Variants in TNR observed in about 807,000 individuals in gnomAD.
TNR encodes the protein tenascin R.
In TNR, 45 loss-of-function variants were observed where a neutral mutation model predicts 150.4. The ratio of observed to expected loss-of-function variants is 0.30; its 90% CI spans 0.24 to 0.38. TNR has a LOEUF of 0.38. Among genes scored for constraint, TNR ranks in the 10% least tolerant of loss-of-function variants. The pLI, the probability that TNR is intolerant of heterozygous loss-of-function variation, is 1.00. For synonymous variants in TNR, 687 were observed against 678.4 expected (o/e 1.01, Z -0.20); for missense variants, 1,544 against 1,759.1 (o/e 0.88, Z 2.19).
chr1:175,529,202 C>T (rs760024842), intron 1 of TNR, among the ~76,000 whole-genome samples: 2 of 152,208 alleles, frequency 1.3e-5, no homozygotes, highest in Non-Finnish European at 2.9e-5. Flanking sequence ...GCTAAGCCTT[C>T]TCCAAATGGG....
intron 2 of TNR, among the ~76,000 whole-genome samples, chr1:175,449,808 G>C (rs868135733): frequency 2.2e-4 from 34 of 152,242 alleles, no homozygotes; most frequent in African/African-American, 7.5e-4. Context: ...AGATGGCCAG[G>C]AAAATCCTGC....
At chr1:175,620,988 T>C (rs1376585486) in intron 1 of TNR, among the ~76,000 whole-genome samples, 2 of 152,192 alleles carry the variant, frequency 1.3e-5, no homozygotes, top group African/African-American at 4.8e-5. Context: ...AATGCCTCCA[T>C]TGCCATGTCC....
At chr1:175,524,921 C>A (rs1659792205) in intron 2 of TNR, among the ~76,000 whole-genome samples, 1 of 152,208 alleles carries the variant, frequency 6.6e-6, no homozygotes, top group African/African-American at 2.4e-5. Context: ...AGGCCAAGGC[C>A]TGGAGGCTCT....
chr1:175,626,339 C>T (rs1664157694), intron 1 of TNR, among the ~76,000 whole-genome samples: 1 of 152,162 alleles, frequency 6.6e-6, no homozygotes, highest in Non-Finnish European at 1.5e-5. Context: ...TAAAATCTCA[C>T]CCAAGCAGGT....
intron 2 of TNR, among the ~76,000 whole-genome samples, chr1:175,469,390 G>A (rs1657177171): frequency 6.6e-6 from 1 of 152,190 alleles, no homozygotes; most frequent in Non-Finnish European, 1.5e-5. Flanking sequence ...ATAGCAGTAT[G>A]CTCAGTACAA....
intron 2 of TNR, among the ~76,000 whole-genome samples, chr1:175,503,127 C>T (rs566673370): frequency 3.3e-5 from 5 of 152,290 alleles, no homozygotes; most frequent in East Asian, 3.9e-4. Context: ...ACAGCCAGTA[C>T]ACGTTGCTGA....
At chr1:175,673,707 G>T (rs1336345295) in intron 1 of TNR, among the ~76,000 whole-genome samples, 3 of 152,222 alleles carry the variant, frequency 2.0e-5, no homozygotes, top group Admixed American at 2.0e-4. Context: ...GACAGAACAA[G>T]ACAGCCTTCT....
At chr1:175,347,697 A>G (rs1326667290) in intron 18 of TNR, among the ~76,000 whole-genome samples, 1 of 152,050 alleles carries the variant, frequency 6.6e-6, no homozygotes, top group East Asian at 1.9e-4. Context: ...CTGGGATTAC[A>G]GGTGTGAGCC....
intron 2 of TNR, among the ~76,000 whole-genome samples, chr1:175,505,001 G>C (rs1008955220): frequency 6.6e-6 from 1 of 150,932 alleles, no homozygotes; most frequent in African/African-American, 2.4e-5. Context: ...CTCACGGTCT[G>C]CCGACACCTG....
intron 1 of TNR, among the ~76,000 whole-genome samples, chr1:175,737,085 T>A (rs532144584): frequency 6.6e-5 from 10 of 152,292 alleles, no homozygotes; most frequent in African/African-American, 2.4e-4. Context: ...GTAGGCTCTG[T>A]TCCAAACAGA....
Position 175,315,798 on chromosome 1 carries a change from ATGTGTGTGTGTGCATG to A in TNR, c.*7543_*7558del, listed in dbSNP as rs1188895769. 3.0e-5 allele frequency: 4 copies of A among 134,670 alleles called. No individual in the cohort carries two copies. The highest frequency in any genetic ancestry group is 2.6e-4 in the South Asian group (1 of 3,858). 8.3% of individuals were successfully genotyped at this position (134,670 alleles called of 1,614,324 possible). ...TGTGCACCTGTGTATGTGTGCATGC[ATGTGTGTGTGTGCATG>A]TGTGTGTGTGTGTGTGTGTGTGTGT... On this transcript the variant is annotated 3_prime_UTR_variant, in exon 23 of 23. Transcript: ENST00000367674.
intron 1 of TNR, among the ~76,000 whole-genome samples, chr1:175,552,622 G>A (rs1660991239): frequency 6.6e-6 from 1 of 152,142 alleles, no homozygotes; most frequent in African/African-American, 2.4e-5. Context: ...TCTATGTAAG[G>A]CAAGGGGAAA....
At chr1:175,534,473 C>G (rs1376094057) in intron 1 of TNR, among the ~76,000 whole-genome samples, 2 of 152,230 alleles carry the variant, frequency 1.3e-5, no homozygotes, top group Non-Finnish European at 2.9e-5. Flanking sequence ...CTACCTCATT[C>G]TCCTGATTTC....
intron 7 of TNR, among the ~76,000 whole-genome samples, chr1:175,389,191 A>G (rs1653063018): frequency 6.6e-6 from 1 of 152,238 alleles, no homozygotes; most frequent in Non-Finnish European, 1.5e-5. Context: ...GGAATGAAAG[A>G]GCCTCAGAAA....
intron 1 of TNR, among the ~76,000 whole-genome samples, chr1:175,569,527 A>T (rs1277272150): frequency 3.3e-5 from 5 of 152,234 alleles, no homozygotes; most frequent in Non-Finnish European, 5.9e-5. Flanking sequence ...TGAAACAAAG[A>T]AAAACCAGTG....
At chr1:175,338,919 T>C (rs1650381592) in intron 18 of TNR, among the ~76,000 whole-genome samples, 1 of 152,200 alleles carries the variant, frequency 6.6e-6, no homozygotes, top group African/African-American at 2.4e-5. Flanking sequence ...GGACTGCCCT[T>C]CAACTTGCTG....
At chr1:175,466,397 C>T (rs945695967) in intron 2 of TNR, among the ~76,000 whole-genome samples, 4 of 152,160 alleles carry the variant, frequency 2.6e-5, no homozygotes, top group African/African-American at 9.7e-5. Flanking sequence ...ACTCAGTTTC[C>T]CCATTTGGTC....
At chr1:175,729,414 C>CCTCT (rs10655316) in intron 1 of TNR, among the ~76,000 whole-genome samples, 8,352 of 148,958 alleles carry the variant, frequency 0.056, 297 homozygotes, top group East Asian at 0.23. Context: ...TGGTGTAAGG[C>CCTCT]CTCTCTCTCT....
At chr1:175,440,324 A>T (rs1403519810) in intron 2 of TNR, among the ~76,000 whole-genome samples, 1 of 146,824 alleles carries the variant, frequency 6.8e-6, no homozygotes, top group Non-Finnish European at 1.5e-5. Flanking sequence ...GAATTGAACA[A>T]TGAGAACACA....
Sources: allele counts gnomAD v4.1 joint callset (sites outside exome capture counted in the v4.1 genomes callset), GRCh38; gene constraint gnomAD v4.1.1; transcripts MANE v1.5; gene names NCBI Gene and HGNC (gene_info 2026-07-23, HGNC 2026-07-21).